The following RFC1 variants were observed in gnomAD, a reference collection of about 807,000 sequenced individuals.
RFC1 encodes the protein A1 140 kDa subunit.
Under a neutral mutation model 137.4 loss-of-function variants are expected in RFC1, and 37 were observed. That is an observed-to-expected ratio of 0.27 (90% CI 0.21 to 0.35). The LOEUF is 0.35. RFC1 is among the 10% of genes least tolerant of loss of function. The pLI is 1.00. For synonymous variants in RFC1, 429 were observed against 455.7 expected (o/e 0.94, Z 0.75); for missense variants, 1,205 against 1,358.5 (o/e 0.89, Z 1.78).
At chr4:39,327,921 C>G (rs1049052484) in intron 4 of RFC1, among the ~76,000 whole-genome samples, 165 bp from the exon 5 acceptor site, 2 of 152,110 alleles carry the variant, frequency 1.3e-5, no homozygotes, top group African/African-American at 4.8e-5. Flanking sequence ...CATTTGCGCT[C>G]AGGAGTTCGA....
chr4:39,320,349 CAAAAAA>C (rs56374926), intron 9 of RFC1, 28 bp downstream of exon 9: 1,228 of 1,116,738 alleles, frequency 1.1e-3, no homozygotes, highest in Admixed American at 2.4e-3. Flanking sequence ...AACTCCATCT[CAAAAAA>C]AAAAAAAAAA....
intron 4 of RFC1, among the ~76,000 whole-genome samples, chr4:39,337,435 A>AGT (rs71921435): frequency 0.27 from 38,576 of 143,460 alleles, 5,800 homozygotes; most frequent in East Asian, 0.39. Flanking sequence ...TACTCAAATA[A>AGT]GTGTGTGTGT....
chr4:39,328,815 G>C (rs1158209537), intron 4 of RFC1, among the ~76,000 whole-genome samples: 1 of 152,242 alleles, frequency 6.6e-6, no homozygotes, highest in East Asian at 1.9e-4. Flanking sequence ...CGGGGAAAGT[G>C]AATGCAGGGA....
At chr4:39,289,024 C>T (rs1320502302) in intron 24 of RFC1, among the ~76,000 whole-genome samples, 180 bp from the exon 25 acceptor site, 2 of 152,234 alleles carry the variant, frequency 1.3e-5, no homozygotes, top group African/African-American at 4.8e-5. Flanking sequence ...AACTGCGCCA[C>T]TTACAGCCTT....
chr4:39,332,271 T>TA (rs1274089892), intron 4 of RFC1, among the ~76,000 whole-genome samples: 1 of 152,228 alleles, frequency 6.6e-6, no homozygotes, highest in Non-Finnish European at 1.5e-5. Flanking sequence ...TCTGACCCCT[T>TA]AGCTTTCAGA....
intron 6 of RFC1, among the ~76,000 whole-genome samples, chr4:39,325,329 G>C (rs1278921972): frequency 1.3e-5 from 2 of 152,090 alleles, no homozygotes; most frequent in African/African-American, 4.8e-5. Flanking sequence ...TCTGCTTCCT[G>C]TGTTCCAGCC....
chr4:39,300,996 G>A (rs1191330773), intron 19 of RFC1, among the ~76,000 whole-genome samples: 3 of 151,746 alleles, frequency 2.0e-5, no homozygotes, highest in African/African-American at 7.3e-5. Flanking sequence ...AGAAGCCTGA[G>A]GCAAGAGAAT....
At chr4:39,327,020 C>T (rs1739806281) in intron 5 of RFC1, among the ~76,000 whole-genome samples, 1 of 152,100 alleles carries the variant, frequency 6.6e-6, no homozygotes, top group African/African-American at 2.4e-5. Flanking sequence ...AACAAACACA[C>T]ACTATGGGGC....
At chr4:39,311,786 G>C (rs936137171) in intron 11 of RFC1, among the ~76,000 whole-genome samples, 1 of 152,208 alleles carries the variant, frequency 6.6e-6, no homozygotes, top group Non-Finnish European at 1.5e-5. Flanking sequence ...CATGGGAAGT[G>C]GTCCATTTCT....
chr4:39,291,007 G>T (rs1737646049), intron 23 of RFC1, among the ~76,000 whole-genome samples: 1 of 152,140 alleles, frequency 6.6e-6, no homozygotes, highest in Non-Finnish European at 1.5e-5. Context: ...TGTCTGCTGT[G>T]AGAATTTACT....
intron 4 of RFC1, among the ~76,000 whole-genome samples, chr4:39,340,541 G>A (rs1740561850): frequency 6.6e-6 from 1 of 152,112 alleles, no homozygotes; most frequent in Non-Finnish European, 1.5e-5. Flanking sequence ...TATGGTTTTA[G>A]CCTAACGTAA....
In RFC1 at chr4:39,288,570, T is replaced by C. The variant is rs1276329606; in HGVS notation, c.*191A>G. On this transcript the variant is annotated 3_prime_UTR_variant, in exon 25 of 25. Coordinates refer to ENST00000349703, the MANE Select transcript of RFC1 (RefSeq NM_002913.5). ...GAGGACCCAAGCAGTCCTATCAACC[T>C]CTATAAGAGGTGTACATAAGCCTAC... is the stretch of plus-strand genomic sequence containing the variant. 4 of 522,490 alleles carry C rather than the reference T, an allele frequency of 7.7e-6. No individual in the cohort carries two copies. Among genetic ancestry groups the C allele is most frequent in the Non-Finnish European group, 1.4e-5 (4 of 291,558 alleles). The allele number at this position is 522,490 out of a possible 1,614,324, so 32.4% of individuals were successfully genotyped here.
At chr4:39,319,804 G>A (rs1739423955) in intron 9 of RFC1, among the ~76,000 whole-genome samples, 1 of 152,096 alleles carries the variant, frequency 6.6e-6, no homozygotes, top group Admixed American at 6.6e-5. Context: ...CGGCTACCAA[G>A]TGACTAACGG....
intron 4 of RFC1, among the ~76,000 whole-genome samples, chr4:39,339,122 T>C (rs1256805867): frequency 6.6e-6 from 1 of 152,172 alleles, no homozygotes; most frequent in African/African-American, 2.4e-5. Flanking sequence ...TTATTACATA[T>C]ACCGCAATTC....
intron 4 of RFC1, chr4:39,341,432 C>A (rs931327098): frequency 2.8e-6 from 1 of 359,240 alleles, no homozygotes; most frequent in African/African-American, 2.1e-5. Flanking sequence ...CTGCCCATAA[C>A]AAAGAAACGT....
At chr4:39,319,611 T>G (rs1373489717) in intron 9 of RFC1, among the ~76,000 whole-genome samples, 5 of 152,178 alleles carry the variant, frequency 3.3e-5, no homozygotes, top group African/African-American at 1.2e-4. Flanking sequence ...TGACTTATGA[T>G]CGTTAGAAAT....
intron 1 of RFC1, among the ~76,000 whole-genome samples, chr4:39,356,228 ATC>A (rs1033052676): frequency 7.9e-5 from 12 of 151,962 alleles, no homozygotes; most frequent in African/African-American, 2.9e-4. Context: ...GCAAAACCCC[ATC>A]TCTACTAAAA....
chr4:39,329,409 G>A (rs1035275927), intron 4 of RFC1, among the ~76,000 whole-genome samples: 2 of 151,794 alleles, frequency 1.3e-5, no homozygotes, highest in South Asian at 2.1e-4. Flanking sequence ...GGTCAACATG[G>A]TGAAACCCCA....
chr4:39,337,433 T>G (rs1306494976), intron 4 of RFC1, among the ~76,000 whole-genome samples: 3 of 86,562 alleles, frequency 3.5e-5, no homozygotes, highest in African/African-American at 1.6e-4. Context: ...GCTACTCAAA[T>G]AAGTGTGTGT....
Sources: gnomAD v4.1 joint callset for allele counts (sites outside exome capture counted in the v4.1 genomes callset) on GRCh38, gnomAD v4.1.1 for gene constraint, MANE v1.5 for transcripts, NCBI Gene and HGNC (gene_info 2026-07-23, HGNC 2026-07-21) for gene names.